SAXO1: variants seen among roughly 807,000 people sequenced by gnomAD.
The protein encoded by SAXO1 is stabilizer of axonemal microtubules 1.
Under a neutral mutation model 17.5 loss-of-function variants are expected in SAXO1, and 21 were observed. That is an observed-to-expected ratio of 1.20 (90% CI 0.85 to 1.72). The LOEUF (loss-of-function observed/expected upper bound fraction) is 1.72. Ranked by LOEUF, SAXO1 falls within the 40% of genes most tolerant of loss-of-function variation. The pLI, the probability that SAXO1 is intolerant of heterozygous loss-of-function variation, is 0.00. For synonymous variants in SAXO1, 274 were observed against 216.5 expected (o/e 1.27, Z -2.33); for missense variants, 843 against 596.0 (o/e 1.41, Z -4.32).
chr9:19,027,844 C>T, intron 1 of SAXO1: 1 of 1,417,366 alleles, frequency 7.1e-7, no homozygotes, highest in Non-Finnish European at 9.8e-7. Context: ...GGGTGGACAT[C>T]CTGGACCCCG....
intron 1 of SAXO1, among the ~76,000 whole-genome samples, chr9:18,984,791 G>A (rs1833530982): frequency 6.6e-6 from 1 of 152,184 alleles, no homozygotes; most frequent in Non-Finnish European, 1.5e-5. Flanking sequence ...GTTCACTGGA[G>A]TAGCACTTTG....
At chr9:18,988,925 A>G (rs2131836784) in intron 1 of SAXO1, among the ~76,000 whole-genome samples, 1 of 152,286 alleles carries the variant, frequency 6.6e-6, no homozygotes, top group East Asian at 1.9e-4. Context: ...GTTTGTGAAA[A>G]TAATTATTAA....
chr9:19,032,447 C>A (rs1330848409), intron 1 of SAXO1, among the ~76,000 whole-genome samples: 1 of 152,226 alleles, frequency 6.6e-6, no homozygotes, highest in Non-Finnish European at 1.5e-5. Flanking sequence ...CCTTATACTT[C>A]TCTGACAAAG....
chr9:19,017,129 T>G (rs1835010530), intron 1 of SAXO1, among the ~76,000 whole-genome samples: 1 of 151,432 alleles, frequency 6.6e-6, no homozygotes, highest in African/African-American at 2.4e-5. Flanking sequence ...GACAACATAG[T>G]GAGAACTTGT....
At chr9:19,034,993 G>A (rs1210001740), upstream of SAXO1, among the ~76,000 whole-genome samples, 1 of 152,186 alleles carries the variant, frequency 6.6e-6, no homozygotes, top group Non-Finnish European at 1.5e-5. Flanking sequence ...GCCCTCAATA[G>A]AGGGTAGAGA....
chr9:18,958,516 G>C (rs550266320), intron 1 of SAXO1, among the ~76,000 whole-genome samples: 1 of 152,190 alleles, frequency 6.6e-6, no homozygotes, highest in African/African-American at 2.4e-5. Context: ...AACCCCTGAA[G>C]TATAAGTCAG....
rs192796799 is a variant in SAXO1 at position 18,991,783 on chromosome 9, C to G, written c.39-40846G>C. ...ACTTGAATCATCCCCAAACCATCTCCTACCCCCACCTGCCAGTCCACAGAA... is the reference window on the plus strand; with the variant it reads ...ACTTGAATCATCCCCAAACCATCTCGTACCCCCACCTGCCAGTCCACAGAA... On this transcript the variant is annotated intron_variant, in intron 1 of 3. Transcript: ENST00000380534. 4.3e-3 allele frequency among the ~76,000 whole-genome samples: 649 copies of G among 152,268 alleles called. 8 individuals carry two copies. The highest frequency in any genetic ancestry group is 0.015 in the African/African-American group (614 of 41,544).
intron 1 of SAXO1, among the ~76,000 whole-genome samples, chr9:18,983,851 T>C (rs1233929831): frequency 6.6e-6 from 1 of 152,250 alleles, no homozygotes; most frequent in African/African-American, 2.4e-5. Flanking sequence ...AGAAGGCCAA[T>C]ACCAGTCAAT....
At chr9:18,971,512 A>T (rs1832942112) in intron 1 of SAXO1, among the ~76,000 whole-genome samples, 1 of 152,198 alleles carries the variant, frequency 6.6e-6, no homozygotes, top group African/African-American at 2.4e-5. Flanking sequence ...CCCTCATTTC[A>T]CTACATTTAT....
intron 1 of SAXO1, among the ~76,000 whole-genome samples, chr9:19,048,583 C>G (rs570814613): frequency 3.9e-5 from 6 of 152,340 alleles, no homozygotes; most frequent in African/African-American, 1.4e-4. Context: ...AGAGCAGAAT[C>G]ATATTATGCT....
intron 2 of SAXO1, among the ~76,000 whole-genome samples, chr9:18,944,587 T>G (rs1343272200): frequency 6.6e-6 from 1 of 152,190 alleles, no homozygotes; most frequent in East Asian, 1.9e-4. Flanking sequence ...GTCAGAGAAG[T>G]AAGTTTCTTT....
intron 1 of SAXO1, among the ~76,000 whole-genome samples, chr9:18,969,644 T>C (rs1023508146): frequency 6.6e-6 from 1 of 152,368 alleles, no homozygotes; most frequent in East Asian, 1.9e-4. Context: ...AAAGGGGGTA[T>C]CTTGTTCACT....
chr9:19,029,281 A>G (rs1835652677), intron 1 of SAXO1, among the ~76,000 whole-genome samples: 2 of 152,154 alleles, frequency 1.3e-5, no homozygotes, highest in Non-Finnish European at 2.9e-5. Flanking sequence ...AGGGGGAATA[A>G]ATGTGCCTCT....
Position 18,927,880 on chromosome 9 carries a change from C to A in SAXO1, c.*172G>T, listed in dbSNP as rs550571415. The A allele has an allele frequency of 6.0e-6, 4 of 663,358 alleles. No individual in the cohort carries two copies. The highest frequency in any genetic ancestry group is 2.8e-5 in the East Asian group (1 of 35,142). The allele number at this position is 663,358 out of a possible 1,614,324, so 41.1% of individuals were successfully genotyped here. On this transcript the variant is annotated 3_prime_UTR_variant, in exon 4 of 4. Coordinates refer to ENST00000380534, the MANE Select transcript of SAXO1 (RefSeq NM_153707.4). Reference sequence around the variant, plus strand: ...AGTTAATTAGCCGGTGATTAAATGTCATTTTCCCTGAGTCAAGTGATTCTC... The same window carrying A: ...AGTTAATTAGCCGGTGATTAAATGTAATTTTCCCTGAGTCAAGTGATTCTC...
At chr9:18,994,305 A>T (rs1033899950) in intron 1 of SAXO1, among the ~76,000 whole-genome samples, 3 of 152,188 alleles carry the variant, frequency 2.0e-5, no homozygotes, top group East Asian at 1.9e-4. Flanking sequence ...TTATGACGAC[A>T]ATGTGCCATG....
intron 3 of SAXO1, among the ~76,000 whole-genome samples, chr9:18,936,789 G>A (rs1221178353): frequency 6.6e-6 from 1 of 152,146 alleles, no homozygotes; most frequent in African/African-American, 2.4e-5. Flanking sequence ...TGAGCATCAA[G>A]TAATTACACT....
rs190942398 is a variant in SAXO1, at chr9:19,022,409, A to G, written c.38+10462T>C. Among the ~76,000 whole-genome samples, 72 of 152,360 alleles carry G rather than the reference A, an allele frequency of 4.7e-4. No individual in the cohort carries two copies. The East Asian group carries it at 0.012, about 25-fold the overall frequency. ...AGGAACCAATTCCAGACACAATAGCATGTTCTTCCCCTAATATTACTCACT... is the reference window on the plus strand; with the variant it reads ...AGGAACCAATTCCAGACACAATAGCGTGTTCTTCCCCTAATATTACTCACT... On this transcript the variant is annotated intron_variant, in intron 1 of 3. Transcript: ENST00000380534.
chr9:18,960,479 T>G (rs908615866), intron 1 of SAXO1, among the ~76,000 whole-genome samples: 1 of 152,052 alleles, frequency 6.6e-6, no homozygotes, highest in East Asian at 1.9e-4. Context: ...CTGGACCCCC[T>G]GTCAGGTCCA....
intron 1 of SAXO1, among the ~76,000 whole-genome samples, chr9:19,012,595 C>G (rs1834794951): frequency 6.6e-6 from 1 of 152,192 alleles, no homozygotes; most frequent in Admixed American, 6.5e-5. Context: ...GATAAGGAGG[C>G]CTGGCAGAGG....
Sources: allele counts gnomAD v4.1 joint callset (sites outside exome capture counted in the v4.1 genomes callset), GRCh38; gene constraint gnomAD v4.1.1; transcripts MANE v1.5; gene names NCBI Gene and HGNC (gene_info 2026-07-23, HGNC 2026-07-21).